KDM2B: variants seen among roughly 807,000 people sequenced by gnomAD.
KDM2B encodes lysine-specific demethylase 2B.
Under a neutral mutation model 150.0 loss-of-function variants are expected in KDM2B, and 26 were observed. The ratio of observed to expected loss-of-function variants is 0.17; its 90% CI spans 0.13 to 0.24. The LOEUF (loss-of-function observed/expected upper bound fraction) is 0.24, where lower values mean the gene tolerates loss of function less well. Ranked by LOEUF, KDM2B falls within the 10% of genes least tolerant of loss-of-function variation. The probability of loss-of-function intolerance (pLI) is 1.00; values close to 1 mark genes in which losing one functional copy is unlikely to be tolerated. For synonymous variants in KDM2B, 734 were observed against 729.5 expected, an observed-to-expected ratio of 1.01 and a Z score of -0.10; for missense variants, 1,265 against 1,816.9, an observed-to-expected ratio of 0.70 and a Z score of 5.52.
intron 4 of KDM2B, among the ~76,000 whole-genome samples, chr12:121,566,984 T>A (rs1192397060): frequency 6.6e-6 from 1 of 151,624 alleles, no homozygotes; most frequent in East Asian, 2.0e-4. Context: ...CAGGTTCAGG[T>A]GATTCTCCTG....
chr12:121,480,635 G>A (rs1555297692), intron 12 of KDM2B, among the ~76,000 whole-genome samples: 1 of 150,554 alleles, frequency 6.6e-6, no homozygotes, highest in East Asian at 1.9e-4. Flanking sequence ...GCCGGGTGTG[G>A]TGGTGCACAC....
At chr12:121,516,838 G>C in intron 9 of KDM2B, 2 of 651,670 alleles carry the variant, frequency 3.1e-6, no homozygotes, top group Non-Finnish European at 5.4e-6. Flanking sequence ...AGAGTGGGTG[G>C]AAGTGTCCTA....
chr12:121,411,663 T>G, the KDM2B span, among the ~76,000 whole-genome samples: 5 of 152,324 alleles, frequency 3.3e-5, no homozygotes, highest in East Asian at 7.7e-4. Context: ...AATGTTACAT[T>G]GTCTGTGAAG....
At chr12:121,412,264 G>T in the KDM2B span, among the ~76,000 whole-genome samples, 5 of 131,998 alleles carry the variant, frequency 3.8e-5, 1 homozygote, top group South Asian at 9.8e-4. Context: ...TTTTGAGATG[G>T]AGTCCCGCTC....
the KDM2B span, among the ~76,000 whole-genome samples, chr12:121,413,415 C>CTTT: frequency 1.2e-4 from 16 of 130,692 alleles, no homozygotes; most frequent in African/African-American, 4.5e-4. Context: ...TTTACCTGTC[C>CTTT]TTTTTTTTTT....
In KDM2B at chr12:121,520,565, T is replaced by C. The variant is rs1333315676; in HGVS notation, c.1047+420A>G. On this transcript the variant is annotated intron_variant, in intron 9 of 22. Coordinates refer to ENST00000377071, the MANE Select transcript of KDM2B (RefSeq NM_032590.5). This position sits in a 1 kb window ranked among gnomAD's most constrained non-coding sequence, Gnocchi z 4.5. ...CAGATCTGGGGTCCCTGGGAGAACATATAGCCAAGACCTGACCTCAGACCA... is the reference window on the plus strand; with the variant it reads ...CAGATCTGGGGTCCCTGGGAGAACACATAGCCAAGACCTGACCTCAGACCA... 6.6e-6 allele frequency among the ~76,000 whole-genome samples: 1 copy of C among 151,940 alleles called. No individual in the cohort carries two copies. The highest frequency in any genetic ancestry group is 1.5e-5 in the Non-Finnish European group (1 of 67,990).
At position 121,534,691 on chromosome 12, in the gene KDM2B, C is replaced by T. The variant is rs1008042493; in HGVS notation, c.684-101G>A. 1.0e-4 allele frequency: 80 copies of T among 793,842 alleles called. No individual in the cohort carries two copies. The African/African-American group carries it at 1.1e-3, about 11-fold the overall frequency. The allele number at this position is 793,842 out of a possible 1,614,324, so 49.2% of individuals were successfully genotyped here. A position where few individuals can be genotyped will look rare whatever the true frequency, so the allele number is the denominator to read the frequency against. The stretch of plus-strand genomic sequence containing the variant: ...TCCTGAACTGGTGCCCTTTTATAAA[C>T]GCTGACGCTGGGGAATTTTCTTTTT... On this transcript the variant is annotated intron_variant, in intron 6 of 22. Coordinates refer to ENST00000377071, the MANE Select transcript of KDM2B (RefSeq NM_032590.5).
chr12:121,572,394 C>T (rs1268627181), intron 4 of KDM2B, among the ~76,000 whole-genome samples: 1 of 152,158 alleles, frequency 6.6e-6, no homozygotes, highest in Admixed American at 6.6e-5. Flanking sequence ...ACCTCTTCTG[C>T]CACTTTCTCA....
At chr12:121,555,396 A>G (rs1555312524) in intron 4 of KDM2B, among the ~76,000 whole-genome samples, 1 of 152,054 alleles carries the variant, frequency 6.6e-6, no homozygotes, top group African/African-American at 2.4e-5. Flanking sequence ...CTTTTGAGAC[A>G]GAGTCTCGCT....
intron 13 of KDM2B, 62 bp from the exon 14 acceptor site, chr12:121,445,480 G>T: frequency 6.7e-7 from 1 of 1,500,780 alleles, no homozygotes. Context: ...CCCCAGGGGG[G>T]CCAGTTCAAG....
chr12:121,555,817 C>T (rs1889844986), intron 4 of KDM2B, among the ~76,000 whole-genome samples: 1 of 152,112 alleles, frequency 6.6e-6, no homozygotes, highest in Non-Finnish European at 1.5e-5. Flanking sequence ...GTGTTTGGGA[C>T]GTGAGGGTGG....
At chr12:121,443,620 G>A (rs1875579329) in intron 17 of KDM2B, 60 bp downstream of exon 17, 4 of 981,638 alleles carry the variant, frequency 4.1e-6, no homozygotes, top group Non-Finnish European at 6.5e-6. Context: ...GGTGGGGTGG[G>A]GGACAGCCCA....
intron 13 of KDM2B, among the ~76,000 whole-genome samples, chr12:121,448,215 G>T (rs1566275723): frequency 6.7e-6 from 1 of 150,154 alleles, no homozygotes; most frequent in African/African-American, 2.5e-5. Flanking sequence ...AGCTGCTCGG[G>T]AGACTGAGGT....
intron 8 of KDM2B, among the ~76,000 whole-genome samples, chr12:121,522,253 C>T (rs967064773): frequency 5.9e-5 from 9 of 152,006 alleles, no homozygotes; most frequent in African/African-American, 2.2e-4. Flanking sequence ...TGGTGGCTCA[C>T]GCCTGTAATC....
At chr12:121,414,389 T>G in the KDM2B span, among the ~76,000 whole-genome samples, 1 of 152,174 alleles carries the variant, frequency 6.6e-6, no homozygotes, top group Non-Finnish European at 1.5e-5. Flanking sequence ...CGCTGAAAAT[T>G]TATTCTTTTA....
At chr12:121,570,487 T>C (rs1236598824) in intron 4 of KDM2B, among the ~76,000 whole-genome samples, 2 of 152,166 alleles carry the variant, frequency 1.3e-5, no homozygotes, top group African/African-American at 4.8e-5. Context: ...GCACCCAGCC[T>C]GCATATCTTT....
intron 11 of KDM2B, among the ~76,000 whole-genome samples, chr12:121,500,400 T>C (rs1884427150): frequency 6.6e-6 from 1 of 152,208 alleles, no homozygotes. Context: ...AACTGCCCCG[T>C]ACTGGACCTG....
chr12:121,546,710 CTT>C (rs782586889), intron 6 of KDM2B, among the ~76,000 whole-genome samples: 10 of 127,764 alleles, frequency 7.8e-5, no homozygotes, highest in Admixed American at 1.6e-4. Context: ...GCCTCTTTGT[CTT>C]TTTTTTTTTT....
rs1555295072 is a variant in KDM2B at position 121,467,315 on chromosome 12, C to A, written c.1735-13971G>T. ...CGGCTCGCCCTGGCTCGGGCTCGGGCTCGGGCTCGGGCTCCCGCTGCCGCG... is the reference window on the plus strand; with the variant it reads ...CGGCTCGCCCTGGCTCGGGCTCGGGATCGGGCTCGGGCTCCCGCTGCCGCG... On this transcript the variant is annotated intron_variant, in intron 12 of 22. Coordinates refer to ENST00000377071, the MANE Select transcript of KDM2B (RefSeq NM_032590.5). The surrounding 1 kb of genome is among the most constrained non-coding windows in gnomAD (Gnocchi z 5.1). The A allele has an allele frequency of 3.1e-6, 3 of 982,810 alleles. No individual in the cohort carries two copies. Among genetic ancestry groups the A allele is most frequent in the Non-Finnish European group, 2.4e-6 (2 of 829,096 alleles). The allele number at this position is 982,810 out of a possible 1,614,324, so 60.9% of individuals were successfully genotyped here.
Sources: gnomAD v4.1 joint callset for allele counts (sites outside exome capture counted in the v4.1 genomes callset) on GRCh38, gnomAD v4.1.1 for gene constraint, Gnocchi (gnomAD v3.1) non-coding constraint, MANE v1.5 for transcripts, NCBI Gene and HGNC (gene_info 2026-07-23, HGNC 2026-07-21) for gene names.